Variants in GPC5 observed in about 807,000 individuals in gnomAD.
GPC5 encodes glypican 5.
GPC5 carries 47 observed loss-of-function variants against 53.9 expected under a neutral mutation model. The observed-to-expected ratio is 0.87, with a 90% CI of 0.69 to 1.11. The LOEUF is 1.11. GPC5 is among the 50% of genes most tolerant of loss of function. GPC5 has a pLI of 0.00. For missense variants in GPC5, 748 were observed against 713.1 expected, an observed-to-expected ratio of 1.05 and a Z score of -0.56; for synonymous variants, 286 against 263.3, an observed-to-expected ratio of 1.09 and a Z score of -0.84.
intron 7 of GPC5, among the ~76,000 whole-genome samples, chr13:92,778,707 T>C (rs889204710): frequency 1.3e-5 from 2 of 152,234 alleles, no homozygotes; most frequent in Non-Finnish European, 2.9e-5. Context: ...GATCTTCCTC[T>C]GTATTCCACA....
chr13:92,636,721 C>G (rs1417631847), intron 7 of GPC5, among the ~76,000 whole-genome samples: 1 of 152,150 alleles, frequency 6.6e-6, no homozygotes, highest in Non-Finnish European at 1.5e-5. Flanking sequence ...TCTTATTTAT[C>G]CTTCACTTCC....
At chr13:92,692,754 ATTTTTTTTTTTT>A (rs71272284) in intron 7 of GPC5, among the ~76,000 whole-genome samples, 2 of 81,050 alleles carry the variant, frequency 2.5e-5, no homozygotes, top group Non-Finnish European at 4.3e-5. Context: ...AATATCGGCT[ATTTTTTTTTTTT>A]TTTTTTTTTT....
chr13:91,550,907 G>T (rs980934625), intron 2 of GPC5, among the ~76,000 whole-genome samples: 1 of 152,086 alleles, frequency 6.6e-6, no homozygotes, highest in Admixed American at 6.6e-5. Context: ...ACGTGACTTT[G>T]CTCCTCATTC....
chr13:91,468,202 A>G (rs895242850), intron 2 of GPC5, among the ~76,000 whole-genome samples: 3 of 151,774 alleles, frequency 2.0e-5, no homozygotes, highest in African/African-American at 7.3e-5. Flanking sequence ...ATATTGAGAT[A>G]TGGTGCTCTC....
At chr13:92,265,337 G>T (rs916295134) in intron 7 of GPC5, among the ~76,000 whole-genome samples, 5 of 152,040 alleles carry the variant, frequency 3.3e-5, no homozygotes, top group Non-Finnish European at 7.4e-5. Flanking sequence ...ATTTTGCTGA[G>T]AAATTTCTTT....
At chr13:92,148,844 T>G (rs986609646) in intron 7 of GPC5, among the ~76,000 whole-genome samples, 1 of 152,094 alleles carries the variant, frequency 6.6e-6, no homozygotes, top group Non-Finnish European at 1.5e-5. Context: ...TGACTATACT[T>G]CTTAGGTCTC....
intron 2 of GPC5, among the ~76,000 whole-genome samples, chr13:91,544,434 G>A (rs2030157324): frequency 6.6e-6 from 1 of 152,134 alleles, no homozygotes; most frequent in Non-Finnish European, 1.5e-5. Context: ...GCGTGTCTGT[G>A]TTTGTGTACT....
chr13:92,666,515 A>AG (rs1886570781), intron 7 of GPC5, among the ~76,000 whole-genome samples: 1 of 140,976 alleles, frequency 7.1e-6, no homozygotes, highest in Non-Finnish European at 1.6e-5. Context: ...CTAATTATAC[A>AG]TAATCAATAT....
chr13:92,134,682 A>G (rs1370338800), intron 6 of GPC5, among the ~76,000 whole-genome samples: 2 of 152,116 alleles, frequency 1.3e-5, no homozygotes, highest in East Asian at 1.9e-4. Flanking sequence ...ACAAGTTCTT[A>G]TTTGTGATGG....
At chr13:92,052,550 TGTTGATTG>T (rs926851530) in intron 6 of GPC5, among the ~76,000 whole-genome samples, 3 of 152,198 alleles carry the variant, frequency 2.0e-5, no homozygotes, top group African/African-American at 7.2e-5. Context: ...TTTTACAGAG[TGTTGATTG>T]GTTCATTTAC....
intron 7 of GPC5, among the ~76,000 whole-genome samples, chr13:92,745,185 G>A (rs1206548695): frequency 1.3e-5 from 2 of 152,008 alleles, no homozygotes; most frequent in African/African-American, 4.8e-5. Context: ...AAGCAATTCA[G>A]AACTTTGTTA....
intron 7 of GPC5, among the ~76,000 whole-genome samples, chr13:92,475,457 T>G (rs550568425): frequency 2.8e-4 from 42 of 147,860 alleles, no homozygotes; most frequent in East Asian, 1.2e-3. Context: ...TTATTCTCTT[T>G]GAAGCAATTG....
intron 7 of GPC5, among the ~76,000 whole-genome samples, chr13:92,332,774 C>T (rs1486325835): frequency 6.6e-6 from 1 of 152,104 alleles, no homozygotes; most frequent in Non-Finnish European, 1.5e-5. Flanking sequence ...AATTTGATTG[C>T]TTATATAGGC....
chr13:91,511,770 A>G lies in GPC5; in HGVS notation c.325+62848A>G, dbSNP rs569837059. ...TTCATGCATGTTATCTACCCTTTCT[A>G]TTATATTACTTAACATATTTGTCAT... On this transcript the variant is annotated intron_variant, in intron 2 of 7. Coordinates refer to ENST00000377067, the MANE Select transcript of GPC5 (RefSeq NM_004466.6). Among the ~76,000 whole-genome samples, 5 of 151,416 alleles carry G rather than the reference A, an allele frequency of 3.3e-5. No individual in the cohort carries two copies. In the East Asian group the frequency reaches 9.7e-4, roughly 29 times the overall value.
At chr13:91,688,188 T>C (rs998399064) in intron 2 of GPC5, among the ~76,000 whole-genome samples, 1 of 152,110 alleles carries the variant, frequency 6.6e-6, no homozygotes, top group African/African-American at 2.4e-5. Context: ...ATTCAATTTC[T>C]GATTTTACCA....
chr13:92,419,989 T>A (rs1876489638), intron 7 of GPC5, among the ~76,000 whole-genome samples: 4 of 152,294 alleles, frequency 2.6e-5, no homozygotes, highest in Admixed American at 2.6e-4. Flanking sequence ...TTATTCTTTT[T>A]GACCTCTCCA....
At chr13:92,109,636 A>C (rs1276807851) in intron 6 of GPC5, among the ~76,000 whole-genome samples, 1 of 152,166 alleles carries the variant, frequency 6.6e-6, no homozygotes, top group Non-Finnish European at 1.5e-5. Context: ...GTTTAATTTG[A>C]GTATCATTAT....
At chr13:91,459,855 AT>A (rs1881818330) in intron 2 of GPC5, among the ~76,000 whole-genome samples, 1 of 152,196 alleles carries the variant, frequency 6.6e-6, no homozygotes, top group Non-Finnish European at 1.5e-5. Context: ...TGATTTTGAT[AT>A]AATTCACAAT....
chr13:92,233,279 A>C (rs2139103846), intron 7 of GPC5, among the ~76,000 whole-genome samples: 1 of 152,344 alleles, frequency 6.6e-6, no homozygotes, highest in Non-Finnish European at 1.5e-5. Context: ...TATAAAACAA[A>C]GTTTGTAGCA....
Sources: gnomAD v4.1 joint callset for allele counts (sites outside exome capture counted in the v4.1 genomes callset) on GRCh38, gnomAD v4.1.1 for gene constraint, MANE v1.5 for transcripts, NCBI Gene and HGNC (gene_info 2026-07-23, HGNC 2026-07-21) for gene names.